FAM90A1: variants seen among roughly 807,000 people sequenced by gnomAD.
FAM90A1 encodes the protein family with sequence similarity 90 member A1.
In FAM90A1, 10 loss-of-function variants were observed where a neutral mutation model predicts 14.8. That is an observed-to-expected ratio of 0.67 (90% confidence interval 0.42 to 1.14). FAM90A1 has a LOEUF of 1.14. Ranked by LOEUF, FAM90A1 falls within the 50% of genes most tolerant of loss-of-function variation. The pLI is 0.00. For missense variants in FAM90A1, 567 were observed against 602.8 expected (o/e 0.94, Z 0.62); for synonymous variants, 236 against 248.4 (o/e 0.95, Z 0.47).
chr12:8,221,934 G>A lies in FAM90A1; in HGVS notation c.1283C>T (p.Pro428Leu), dbSNP rs200871644. The A allele has an allele frequency of 3.5e-5, 56 of 1,596,378 alleles. No individual in the cohort carries two copies. The highest frequency in any genetic ancestry group is 4.7e-5 in the Non-Finnish European group (56 of 1,179,760). The change falls in exon 7 of 7, where the codon CCT becomes CTT. Residue 428 changes from proline to leucine, a missense_variant. Transcript: ENST00000538603. ...EKPGAFLAQSPHVSEKSEGPC... is the reference protein window; with the variant it reads ...EKPGAFLAQSLHVSEKSEGPC... ...ACCCTCAGACTTCTCTGAGACATGA[G>A]GGCTCTGAGCGAGGAAGGCTCCCGG... is the stretch of plus-strand genomic sequence containing the variant.
In FAM90A1 at chr12:8,224,224, G is replaced by A. The variant is rs747879286; in HGVS notation, c.124-9C>T. ...CAGTTTTTGCACTTGAGCTGTGGGT[G>A]GAAAGGAAGTGATGTCAGTGAGTGA... On this transcript the variant is annotated splice_polypyrimidine_tract_variant and intron_variant, in intron 4 of 6. Transcript: ENST00000538603. The A allele has an allele frequency of 1.2e-5, 20 of 1,609,504 alleles. No individual in the cohort carries two copies. The highest frequency in any genetic ancestry group is 4.4e-5 in the South Asian group (4 of 90,940).
Position 8,222,569 on chromosome 12 carries a change from C to T in FAM90A1, c.648G>A (p.Arg216=), listed in dbSNP as rs765528742. 22 of 1,611,886 alleles carry T rather than the reference C, an allele frequency of 1.4e-5. No individual in the cohort carries two copies. ...CGAGGAGAGGCTCGGGGCCCTGGTG[C>T]CTGACTGCAGTCTGAGGGATGTCGG... ...AAADIPQTAV[R]HQGPEPLLVV... The change falls in exon 7 of 7, where the codon AGG becomes AGA. Residue 216 remains arginine (R), a synonymous_variant. Coordinates refer to ENST00000538603, the MANE Select transcript of FAM90A1 (RefSeq NM_018088.3).
chr12:8,222,850 C>T, intron 6 of FAM90A1, 66 bp from the exon 7 acceptor site: 2 of 1,517,622 alleles, frequency 1.3e-6, no homozygotes, highest in Admixed American at 1.9e-5. Flanking sequence ...AAATCAACCA[C>T]ATCCAAAGAC....
rs755583607 is a variant in FAM90A1, at chr12:8,221,786, G to A, written c.*36C>T. ...TCCCACAGTCCCCTCCAAGTCACGG[G>A]AGCTGGAGGCCAAGGAGCCCCTGCC... On this transcript the variant is annotated 3_prime_UTR_variant, in exon 7 of 7. Transcript: ENST00000538603. 6 of 1,568,438 alleles carry A rather than the reference G, an allele frequency of 3.8e-6. No homozygotes were observed. The East Asian group carries it at 1.1e-4, about 29-fold the overall frequency.
At chr12:8,225,311 G>A (rs1396309000) in intron 3 of FAM90A1, among the ~76,000 whole-genome samples, 2 of 152,242 alleles carry the variant, frequency 1.3e-5, no homozygotes, top group Non-Finnish European at 2.9e-5. Flanking sequence ...GATAAGGGAT[G>A]CCTCCTGTCA....
intron 2 of FAM90A1, 140 bp from the exon 3 acceptor site, chr12:8,226,132 C>T (rs1206383490): frequency 2.0e-5 from 3 of 152,210 alleles, no homozygotes; most frequent in Non-Finnish European, 4.4e-5. Flanking sequence ...ATTCTAAAAC[C>T]TACGTGTACA....
intron 1 of FAM90A1, among the ~76,000 whole-genome samples, chr12:8,226,729 G>C (rs1948950422): frequency 6.8e-6 from 1 of 147,138 alleles, no homozygotes; most frequent in Non-Finnish European, 1.5e-5. Context: ...ATGTGAATCT[G>C]TACATACCAA....
Position 8,222,170 on chromosome 12 carries a change from G to A in FAM90A1, c.1047C>T (p.Gly349=). 1 of 1,570,800 alleles carries A rather than the reference G, an allele frequency of 6.4e-7. No individual in the cohort carries two copies. Among genetic ancestry groups the A allele is most frequent in the Non-Finnish European group, 8.7e-7 (1 of 1,151,018 alleles). ...ELGPRTSPQT[G]TRTPAQVLSG... is the part of the protein sequence containing the mutation. ...TAAGCACCTGGGCGGGTGTCCTCGT[G>A]CCTGTCTGGGGTGACGTACGTGGTC... Residue 349 remains glycine (G), a synonymous_variant, in exon 7 of 7, where the codon GGC becomes GGT. Coordinates refer to ENST00000538603, the MANE Select transcript of FAM90A1 (RefSeq NM_018088.3).
rs778450828 is a variant in FAM90A1, at chr12:8,222,128, A to T, written c.1089T>A (p.Pro363=). ...TAGGCAGGCAAGGTCTGCTGTGCGG[A>T]GGCTGCCGGTCGCCGCTAAGCACCT... ...PAQVLSGDRQ[P]PHSRPCLPTA... The change falls in exon 7 of 7, where the codon CCT becomes CCA. Residue 363 remains proline (P), a synonymous_variant. Coordinates refer to ENST00000538603, the MANE Select transcript of FAM90A1 (RefSeq NM_018088.3). 4.3e-6 allele frequency: 7 copies of T among 1,611,900 alleles called. No individual in the cohort carries two copies. In the African/African-American group the frequency reaches 9.3e-5, roughly 22 times the overall value.
At chr12:8,223,888 G>C in intron 5 of FAM90A1, 128 bp downstream of exon 5, 1 of 1,006,898 alleles carries the variant, frequency 9.9e-7, no homozygotes, top group Non-Finnish European at 1.5e-6. Context: ...ACAGAGCTCC[G>C]GTCTGTTTCT....
At chr12:8,223,582 C>T (rs1164369798) in intron 5 of FAM90A1, 25 bp from the exon 6 acceptor site, 15 of 1,385,754 alleles carry the variant, frequency 1.1e-5, no homozygotes, top group East Asian at 4.6e-5. Flanking sequence ...AAGGTCAGGC[C>T]GTCCTCCCTG....
chr12:8,226,797 G>A lies in FAM90A1; in HGVS notation c.-420-319C>T, dbSNP rs759924593. Among the ~76,000 whole-genome samples, 581 of 124,798 alleles carry A rather than the reference G, an allele frequency of 4.7e-3. 8 individuals carry two copies. The highest frequency in any genetic ancestry group is 0.018 in the African/African-American group (554 of 30,710). The allele number at this position is 124,798 out of a possible 152,430, so 81.9% of individuals were successfully genotyped here. A position where few individuals can be genotyped will look rare whatever the true frequency, so the allele number is the denominator to read the frequency against. On this transcript the variant is annotated intron_variant, in intron 1 of 6. Transcript: ENST00000538603. The stretch of plus-strand genomic sequence containing the variant: ...TTTTTTTTTTTCTTGTTTCTTCATT[G>A]ATGTCTTTTTTTTTTTTTTTTTTTT...
chr12:8,227,270 T>C (rs59223281), intron 1 of FAM90A1, among the ~76,000 whole-genome samples: 9,161 of 151,754 alleles, frequency 0.06, 155 homozygotes, highest in South Asian at 0.11. Flanking sequence ...CCTGCTCTCC[T>C]CCCTCCTTTG....
Position 8,224,111 on chromosome 12 carries a change from C to A in FAM90A1, c.228G>T (p.Lys76Asn), listed in dbSNP as rs114745213. The A allele has an allele frequency of 3.8e-3, 6,091 of 1,611,922 alleles. 190 individuals are homozygous for A. In the African/African-American group the frequency reaches 0.07, roughly 19 times the overall value. The change falls in exon 5 of 7, where the codon AAG becomes AAT. Residue 76 changes from lysine to asparagine, a missense_variant. Coordinates refer to ENST00000538603, the MANE Select transcript of FAM90A1 (RefSeq NM_018088.3). ...ATGGTTTCAGGTTTTCCTTCCCTTC[C>A]TTTTCCCCAAAGTTCGGTGGAACCA... ...AALVPPNFGE[K>N]EGKENLKPWK...
chr12:8,223,400 C>T (rs1447633730), intron 6 of FAM90A1, 49 bp downstream of exon 6: 2 of 1,180,140 alleles, frequency 1.7e-6, no homozygotes, highest in East Asian at 2.3e-5. Context: ...GGAAATCAAC[C>T]AGGGTGACCT....
Position 8,223,461 on chromosome 12 carries a change from A to T in FAM90A1, c.420T>A (p.Ser140=). 1.2e-6 allele frequency: 2 copies of T among 1,606,944 alleles called. No individual in the cohort carries two copies. Among genetic ancestry groups the T allele is most frequent in the Middle Eastern group, 2.3e-4 (1 of 4,424 alleles). Residue 140 remains serine (S), a synonymous_variant, in exon 6 of 7, where the codon TCT becomes TCA. Transcript: ENST00000538603. ...GGGTGACCCTCACCCTCAGATAATC[A>T]GAAGATTCCGTGGATCCTTTTTGAT... ...LPNQKGSTES[S]DYLRVASGPM...
At chr12:8,224,644 T>C in intron 4 of FAM90A1, 66 bp downstream of exon 4, 1 of 1,137,558 alleles carries the variant, frequency 8.8e-7, no homozygotes, top group Non-Finnish European at 1.3e-6. Context: ...CTGAGGACCG[T>C]GTGACACCCC....
In FAM90A1 at chr12:8,221,440, G is replaced by T. The variant is rs1372578884; in HGVS notation, c.*382C>A. 1.4e-5 allele frequency: 5 copies of T among 369,006 alleles called. No homozygotes were observed. The highest frequency in any genetic ancestry group is 2.6e-5 in the Non-Finnish European group (5 of 194,450). The allele number at this position is 369,006 out of a possible 1,614,324, so 22.9% of individuals were successfully genotyped here. Reference sequence around the variant, plus strand: ...CACAGCGGAAGGGCTGCACCTCTCAGGGTTCCCTAACTTTTCCCTTATTCA... The same window carrying T: ...CACAGCGGAAGGGCTGCACCTCTCATGGTTCCCTAACTTTTCCCTTATTCA... On this transcript the variant is annotated 3_prime_UTR_variant, in exon 7 of 7. Transcript: ENST00000538603.
chr12:8,225,509 AAC>A (rs2120856276), intron 3 of FAM90A1, among the ~76,000 whole-genome samples: 1 of 152,310 alleles, frequency 6.6e-6, no homozygotes, highest in East Asian at 1.9e-4. Context: ...AATTCATCTA[AAC>A]GAACGGTGAA....
Sources: allele counts gnomAD v4.1 joint callset (sites outside exome capture counted in the v4.1 genomes callset), GRCh38; gene constraint gnomAD v4.1.1; transcripts MANE v1.5; gene names NCBI Gene and HGNC (gene_info 2026-07-23, HGNC 2026-07-21).